Variants in DYNC2H1 observed in about 807,000 individuals in gnomAD.
DYNC2H1 encodes dynein cytoplasmic 2 heavy chain 1, also known as cytoplasmic dynein 2 heavy chain 1.
A neutral mutation model predicts 570.0 loss-of-function variants in DYNC2H1; 410 were observed. The observed-to-expected ratio is 0.72, with a 90% CI of 0.66 to 0.78. DYNC2H1 has a LOEUF of 0.78. Among genes scored for constraint, DYNC2H1 ranks in the 30% least tolerant of loss-of-function variants. The pLI, the probability that DYNC2H1 is intolerant of heterozygous loss-of-function variation, is 0.00. For synonymous variants in DYNC2H1, 1,688 were observed against 1,677.6 expected (o/e 1.01, Z -0.15); for missense variants, 4,865 against 5,046.4 (o/e 0.96, Z 1.09).
intron 1 of DYNC2H1, among the ~76,000 whole-genome samples, chr11:103,113,081 CT>C (rs920936492): frequency 6.6e-6 from 1 of 152,046 alleles, no homozygotes; most frequent in Non-Finnish European, 1.5e-5. Context: ...TTAAAAGCAC[CT>C]TTTAAAATGC....
intron 31 of DYNC2H1, among the ~76,000 whole-genome samples, chr11:103,166,656 CTA>C (rs1198000558): frequency 3.3e-5 from 5 of 152,038 alleles, no homozygotes; most frequent in Non-Finnish European, 1.5e-5. Flanking sequence ...TCCATCTGAG[CTA>C]TATGTTTTCT....
chr11:103,163,206 T>A lies in DYNC2H1; in HGVS notation c.4611+59T>A. ...ATGGAACGTGGAAAGATCCCTGACC[T>A]AGAAGCCAGGAGGCTCAGATAAATC... On this transcript the variant is annotated intron_variant, in intron 30 of 88. Coordinates refer to ENST00000375735, the MANE Select transcript of DYNC2H1 (RefSeq NM_001377.3). This position sits in a 1 kb window ranked among gnomAD's most constrained non-coding sequence, Gnocchi z 4.6. The A allele has an allele frequency of 6.5e-7, 1 of 1,532,176 alleles. No homozygotes were observed. Among genetic ancestry groups the A allele is most frequent in the Non-Finnish European group, 8.8e-7 (1 of 1,137,546 alleles). 94.9% of individuals were successfully genotyped at this position (1,532,176 alleles called of 1,614,324 possible).
At chr11:103,310,477 G>T (rs1293996969) in intron 78 of DYNC2H1, among the ~76,000 whole-genome samples, 1 of 151,794 alleles carries the variant, frequency 6.6e-6, no homozygotes, top group African/African-American at 2.4e-5. Flanking sequence ...TTATTAATTT[G>T]TATGATCTTT....
At chr11:103,417,692 A>G (rs947911079) in intron 84 of DYNC2H1, among the ~76,000 whole-genome samples, 1 of 152,020 alleles carries the variant, frequency 6.6e-6, no homozygotes, top group African/African-American at 2.4e-5. Flanking sequence ...TCTGACCAAC[A>G]TGGTGAAACC....
chr11:103,465,078 G>T lies in DYNC2H1; in HGVS notation c.12649-3511G>T, dbSNP rs1945150268. ...TTTACACTTAATTACGCATTTAAAA[G>T]TAGATGGTAAAACACTAAAATGGAT... On this transcript the variant is annotated intron_variant, in intron 87 of 88. Transcript: ENST00000375735. This position sits in a 1 kb window ranked among gnomAD's most constrained non-coding sequence, Gnocchi z 4.9. Among the ~76,000 whole-genome samples, 1 of 151,896 alleles carries T rather than the reference G, an allele frequency of 6.6e-6. No homozygotes were observed. Among genetic ancestry groups the T allele is most frequent in the African/African-American group, 2.4e-5 (1 of 41,346 alleles).
At chr11:103,373,015 C>T (rs1453765962) in intron 83 of DYNC2H1, among the ~76,000 whole-genome samples, 1 of 152,148 alleles carries the variant, frequency 6.6e-6, no homozygotes, top group Non-Finnish European at 1.5e-5. Flanking sequence ...GTGATCTTGA[C>T]TCACTGCAGC....
At chr11:103,419,269 T>TGCTCTACAAAATG (rs1244068106) in intron 84 of DYNC2H1, among the ~76,000 whole-genome samples, 4 of 152,196 alleles carry the variant, frequency 2.6e-5, no homozygotes, top group Admixed American at 2.6e-4. Context: ...GCAGCACACT[T>TGCTCTACAAAATG]GCTCTACAAA....
chr11:103,330,106 A>G (rs890696677), intron 82 of DYNC2H1, among the ~76,000 whole-genome samples: 1 of 152,220 alleles, frequency 6.6e-6, no homozygotes, highest in Non-Finnish European at 1.5e-5. Context: ...AGGTGAATAA[A>G]AATAGTCCCT....
Position 103,472,253 on chromosome 11 carries a change from G to A in DYNC2H1, c.12765+3548G>A, listed in dbSNP as rs1038443045. ...AAGAATTTAGAACAGGGCCAGGCAC[G>A]GTGGCTCACACCTGTAATCCCATCA... On this transcript the variant is annotated intron_variant, in intron 88 of 88. Coordinates refer to ENST00000375735, the MANE Select transcript of DYNC2H1 (RefSeq NM_001377.3). The surrounding 1 kb of genome is among the most constrained non-coding windows in gnomAD (Gnocchi z 4.1). Among the ~76,000 whole-genome samples, 2 of 152,038 alleles carry A rather than the reference G, an allele frequency of 1.3e-5. No individual in the cohort carries two copies. The highest frequency in any genetic ancestry group is 2.1e-4 in the South Asian group (1 of 4,820).
In DYNC2H1 at chr11:103,109,972, C is replaced by G. The variant is rs545625041; in HGVS notation, c.195+203C>G. On this transcript the variant is annotated intron_variant, in intron 1 of 88. Coordinates refer to ENST00000375735, the MANE Select transcript of DYNC2H1 (RefSeq NM_001377.3). ...GGTAGTTTCCAAGCTTTGCATCCTA[C>G]CTGACCGAAGCATGTTTCCCTTCCA... Among the ~76,000 whole-genome samples the G allele has an allele frequency of 1.4e-4, 21 of 152,308 alleles. 2 individuals are homozygous for G. In the South Asian group the frequency reaches 3.5e-3, roughly 26 times the overall value.
chr11:103,146,011 G>C (rs1220406339), intron 18 of DYNC2H1, among the ~76,000 whole-genome samples: 1 of 152,112 alleles, frequency 6.6e-6, no homozygotes, highest in Non-Finnish European at 1.5e-5. Flanking sequence ...ATATCTTCAT[G>C]TATCAAGTAT....
chr11:103,253,409 G>C lies in DYNC2H1; in HGVS notation c.10167G>C (p.Glu3389Asp), dbSNP rs752344542. 2 of 1,612,922 alleles carry C rather than the reference G, an allele frequency of 1.2e-6. No homozygotes were observed. Among genetic ancestry groups the C allele is most frequent in the South Asian group, 1.1e-5 (1 of 91,004 alleles). ...IPPDAASIVT[E>D]VNFTTTRSGL... ...CGGATGCAGCTTCCATTGTTACTGA[G>C]GTTAACTTTACTACAACAAGAAGTG... is the stretch of plus-strand genomic sequence containing the variant. Residue 3389 changes from glutamate (E) to aspartate (D), a missense_variant, in exon 66 of 89, where the codon GAG (glutamate) becomes GAC (aspartate). Physicochemically the swap from Glu to Asp is conservative, Grantham distance 45 (BLOSUM62 2). This residue lies in a region of DYNC2H1 where 2,401 missense variants were observed against 2,454.6 expected (regional missense o/e 0.98). Transcript: ENST00000375735.
chr11:103,235,684 A>G lies in DYNC2H1; in HGVS notation c.9580A>G (p.Thr3194Ala). The change falls in exon 62 of 89, where the codon ACA (threonine) becomes GCA (alanine). Residue 3194 changes from threonine (T) to alanine (A), a missense_variant. Coordinates refer to ENST00000375735, the MANE Select transcript of DYNC2H1 (RefSeq NM_001377.3). ...CTCTTTTTTCCAGGTTGTAGAGATA[A>G]CAGAGGAATTAGCTACTCTTCCTAA... The part of the protein sequence containing the change: ...KRWNAQVVEI[T>A]EELATLPKRA... The G allele has an allele frequency of 9.9e-6, 16 of 1,609,450 alleles. No homozygotes were observed. The highest frequency in any genetic ancestry group is 1.3e-5 in the Non-Finnish European group (15 of 1,177,402).
In DYNC2H1 at chr11:103,326,435, C is replaced by T. The variant is rs917026877; in HGVS notation, c.12039+2445C>T. Among the ~76,000 whole-genome samples the T allele has an allele frequency of 2.0e-5, 3 of 152,194 alleles. No homozygotes were observed. Among genetic ancestry groups the T allele is most frequent in the Non-Finnish European group, 4.4e-5 (3 of 68,040 alleles). ...CCCTGTGGAGGGACGTACGAACCGC[C>T]TCTGTGCTGGCCCACAAACCTGCAC... On this transcript the variant is annotated intron_variant, in intron 82 of 88. Transcript: ENST00000375735. This position sits in a 1 kb window ranked among gnomAD's most constrained non-coding sequence, Gnocchi z 6.1.
chr11:103,432,255 T>G (rs1246584028), intron 84 of DYNC2H1, among the ~76,000 whole-genome samples: 1 of 152,154 alleles, frequency 6.6e-6, no homozygotes, highest in East Asian at 1.9e-4. Flanking sequence ...GATTTTTGGT[T>G]AGCTCATGAG....
intron 79 of DYNC2H1, among the ~76,000 whole-genome samples, chr11:103,315,940 T>G (rs1937802711): frequency 6.6e-6 from 1 of 152,050 alleles, no homozygotes; most frequent in Admixed American, 6.6e-5. Flanking sequence ...TAAATATATT[T>G]TAATTTGAAC....
intron 6 of DYNC2H1, 110 bp from the exon 7 acceptor site, chr11:103,120,337 T>A: frequency 6.5e-6 from 7 of 1,084,276 alleles, no homozygotes; most frequent in Non-Finnish European, 8.9e-6. Context: ...TTTTCTTTTT[T>A]TAGTAAACCT....
At chr11:103,206,780 G>A (rs1467351884) in intron 52 of DYNC2H1, among the ~76,000 whole-genome samples, 3 of 152,270 alleles carry the variant, frequency 2.0e-5, no homozygotes, top group South Asian at 2.1e-4. Flanking sequence ...GTTGCAGTTA[G>A]TAATGGAAAA....
intron 15 of DYNC2H1, 27 bp from the exon 16 acceptor site, chr11:103,135,468 A>C (rs751048444): frequency 1.2e-5 from 18 of 1,456,186 alleles, no homozygotes; most frequent in Non-Finnish European, 1.5e-5. Flanking sequence ...TAATTTTTAA[A>C]TTAAAAATGT....
Sources: gnomAD v4.1 joint callset for allele counts (sites outside exome capture counted in the v4.1 genomes callset) on GRCh38, gnomAD v4.1.1 for gene constraint, gnomAD v4.1.1 regional missense constraint, Gnocchi (gnomAD v3.1) non-coding constraint, MANE v1.5 for transcripts, NCBI Gene and HGNC (gene_info 2026-07-23, HGNC 2026-07-21) for gene names.